TMC6: variants seen among roughly 807,000 people sequenced by gnomAD.
TMC6 encodes the protein transmembrane channel-like protein 6.
In TMC6, 71 loss-of-function variants were observed where a neutral mutation model predicts 95.4. The ratio of observed to expected loss-of-function variants is 0.74; its 90% confidence interval spans 0.61 to 0.91. The LOEUF is 0.91. Among genes scored for constraint, TMC6 ranks in the 40% least tolerant of loss-of-function variants. The probability of loss-of-function intolerance (pLI) is 0.00; values close to 1 mark genes in which losing one functional copy is unlikely to be tolerated. For missense variants in TMC6, 1,074 were observed against 1,079.1 expected (o/e 1.00, Z 0.07); for synonymous variants, 514 against 483.1 (o/e 1.06, Z -0.84).
intron 15 of TMC6, among the ~76,000 whole-genome samples, chr17:78,118,628 G>A (rs2074253798): frequency 2.0e-5 from 3 of 152,212 alleles, no homozygotes; most frequent in African/African-American, 7.2e-5. Flanking sequence ...CACTGGGCAT[G>A]ACCCAGTTGC....
Sources: allele counts gnomAD v4.1 joint callset (sites outside exome capture counted in the v4.1 genomes callset), GRCh38; gene constraint gnomAD v4.1.1; transcripts MANE v1.5; gene names NCBI Gene and HGNC (gene_info 2026-07-23, HGNC 2026-07-21).